FBXW2: variants seen among roughly 807,000 people sequenced by gnomAD.
FBXW2 encodes F-box and WD repeat domain containing 2.
A neutral mutation model predicts 46.0 loss-of-function variants in FBXW2; 12 were observed. The ratio of observed to expected loss-of-function variants is 0.26; its 90% CI spans 0.17 to 0.42. The LOEUF (loss-of-function observed/expected upper bound fraction) is 0.42. Among genes scored for constraint, FBXW2 ranks in the 10% least tolerant of loss-of-function variants. FBXW2 has a pLI of 1.00. For synonymous variants in FBXW2, 203 were observed against 209.6 expected (o/e 0.97, Z 0.27); for missense variants, 360 against 537.0 (o/e 0.67, Z 3.26).
intron 5 of FBXW2, among the ~76,000 whole-genome samples, chr9:120,774,377 T>C (rs1337418258): frequency 1.4e-5 from 2 of 146,232 alleles, no homozygotes; most frequent in Non-Finnish European, 3.0e-5. Context: ...CTCAGTGTGG[T>C]GGCACGTGGC....
chr9:120,778,189 G>T (rs552150331), intron 4 of FBXW2, among the ~76,000 whole-genome samples, 162 bp downstream of exon 4: 1 of 150,830 alleles, frequency 6.6e-6, no homozygotes, highest in Non-Finnish European at 1.5e-5. Flanking sequence ...TAAAACATTC[G>T]AAATAAGAGT....
At chr9:120,782,311 CA>C (rs1303014657) in intron 3 of FBXW2, among the ~76,000 whole-genome samples, 1 of 151,744 alleles carries the variant, frequency 6.6e-6, no homozygotes, top group East Asian at 1.9e-4. Flanking sequence ...ACTAAAAATA[CA>C]AAAATTAGCC....
rs763046666 is a variant in FBXW2, at chr9:120,764,562, G to GC, written c.1361dup (p.Ter455LeufsTer4). On this transcript the variant is annotated frameshift_variant, in exon 8 of 8. Coordinates refer to ENST00000608872, the MANE Select transcript of FBXW2 (RefSeq NM_012164.4). LOFTEE classifies it high-confidence loss of function. ...TCAGCGGTGGTGGCTCATGGTGTCA[G>GC]CCGTGCTCCTTCCACAACACCAGGT... 14 of 1,611,186 alleles carry GC rather than the reference G, an allele frequency of 8.7e-6. No individual in the cohort carries two copies.
At position 120,771,455 on chromosome 9, in the gene FBXW2, A is replaced by G. The variant is rs768607490; in HGVS notation, c.969T>C (p.Asp323=). 1 of 1,614,206 alleles carries G rather than the reference A, an allele frequency of 6.2e-7. No individual in the cohort carries two copies. Among genetic ancestry groups the G allele is most frequent in the South Asian group, 1.1e-5 (1 of 91,088 alleles). Reference sequence around the variant, plus strand: ...GTCTTGGCTGCAGGCAGATACTTCTATCCTCAGAGACAGACAATGTCTTTA... The same window carrying G: ...GTCTTGGCTGCAGGCAGATACTTCTGTCCTCAGAGACAGACAATGTCTTTA... The part of the protein sequence containing the change: ...KCLKTLSVSE[D]RSICLQPRLH... The change falls in exon 7 of 8, where the codon GAT becomes GAC. Residue 323 remains aspartate, a synonymous_variant. Transcript: ENST00000608872.
At position 120,774,280 on chromosome 9, in the gene FBXW2, T is replaced by C. The variant is rs139851900; in HGVS notation, c.820-1440A>G. On this transcript the variant is annotated intron_variant, in intron 5 of 7. Coordinates refer to ENST00000608872, the MANE Select transcript of FBXW2 (RefSeq NM_012164.4). Reference sequence around the variant, plus strand: ...TGAACCCGGCAGATGGATGCTGCAGTGAGCCGAGATCGTGCCACTGCACTC... The same window carrying C: ...TGAACCCGGCAGATGGATGCTGCAGCGAGCCGAGATCGTGCCACTGCACTC... 6.7e-3 allele frequency among the ~76,000 whole-genome samples: 936 copies of C among 139,866 alleles called. 15 individuals are homozygous for C. Among genetic ancestry groups the C allele is most frequent in the African/African-American group, 0.024 (880 of 36,768 alleles). The allele number at this position is 139,866 out of a possible 152,430, so 91.8% of individuals were successfully genotyped here.
intron 4 of FBXW2, among the ~76,000 whole-genome samples, chr9:120,777,163 G>T (rs1034528618): frequency 2.0e-5 from 3 of 152,182 alleles, no homozygotes; most frequent in African/African-American, 7.2e-5. Flanking sequence ...TCTCAAAGTT[G>T]ATCAGGAATA....
In FBXW2 at chr9:120,779,935, T is replaced by C. The variant is rs1316672080; in HGVS notation, c.491-1390A>G. Among the ~76,000 whole-genome samples, 3 of 152,136 alleles carry C rather than the reference T, an allele frequency of 2.0e-5. No individual in the cohort carries two copies. The East Asian group carries it at 5.8e-4, about 29-fold the overall frequency. Reference sequence around the variant, plus strand: ...AGGAGGCCAAGGCAGGCATATTGCCTGAGCTCAGGAGTTCAAGACCATCGC... The same window carrying C: ...AGGAGGCCAAGGCAGGCATATTGCCCGAGCTCAGGAGTTCAAGACCATCGC... On this transcript the variant is annotated intron_variant, in intron 3 of 7. Coordinates refer to ENST00000608872, the MANE Select transcript of FBXW2 (RefSeq NM_012164.4).
intron 3 of FBXW2, among the ~76,000 whole-genome samples, chr9:120,787,536 T>C (rs561240133): frequency 2.6e-5 from 4 of 152,216 alleles, no homozygotes; most frequent in Admixed American, 1.3e-4. Flanking sequence ...ATTCACATAA[T>C]GTTTAAAAGA....
chr9:120,765,966 T>C (rs939379951), intron 7 of FBXW2, among the ~76,000 whole-genome samples: 1 of 152,168 alleles, frequency 6.6e-6, no homozygotes, highest in Non-Finnish European at 1.5e-5. Context: ...TTCTGTTGTC[T>C]GCGCCCTTAG....
Position 120,759,739 on chromosome 9 carries a change from G to T in FBXW2, c.*4820C>A, listed in dbSNP as rs2044169279. 1.3e-5 allele frequency: 2 copies of T among 152,332 alleles called. No individual in the cohort carries two copies. The highest frequency in any genetic ancestry group is 4.1e-4 in the South Asian group (2 of 4,830). The allele number at this position is 152,332 out of a possible 1,614,324, so 9.4% of individuals were successfully genotyped here. On this transcript the variant is annotated 3_prime_UTR_variant, in exon 8 of 8. Coordinates refer to ENST00000608872, the MANE Select transcript of FBXW2 (RefSeq NM_012164.4). Reference sequence around the variant, plus strand: ...TACTTGGGCACATTTATGAAGAGTAGAAGTAGCTGAATTCTTTAGGCTGCA... The same window carrying T: ...TACTTGGGCACATTTATGAAGAGTATAAGTAGCTGAATTCTTTAGGCTGCA...
intron 3 of FBXW2, among the ~76,000 whole-genome samples, chr9:120,786,016 C>CT (rs1413439960): frequency 1.3e-5 from 1 of 77,300 alleles, no homozygotes; most frequent in Non-Finnish European, 2.2e-5. Context: ...GAGACTCCAT[C>CT]TCAAAAAAAA....
chr9:120,772,670 T>C, intron 6 of FBXW2, 84 bp downstream of exon 6: 1 of 863,056 alleles, frequency 1.2e-6, no homozygotes, highest in East Asian at 2.9e-5. Flanking sequence ...TCCTAGAATG[T>C]TCACCCTTTG....
chr9:120,778,069 G>T (rs139478454), intron 4 of FBXW2, among the ~76,000 whole-genome samples: 19 of 151,900 alleles, frequency 1.3e-4, no homozygotes, highest in African/African-American at 3.9e-4. Context: ...GAAACAGGAG[G>T]GGGGAGAGAG....
At chr9:120,792,139 C>T (rs1456798775) in intron 2 of FBXW2, among the ~76,000 whole-genome samples, 2 of 151,996 alleles carry the variant, frequency 1.3e-5, no homozygotes, top group Non-Finnish European at 2.9e-5. Flanking sequence ...AGTGGCCTTC[C>T]CAGAATGGCA....
chr9:120,781,086 T>G (rs2044602221), intron 3 of FBXW2, among the ~76,000 whole-genome samples: 1 of 150,162 alleles, frequency 6.7e-6, no homozygotes, highest in South Asian at 2.1e-4. Flanking sequence ...TAAGGATGAA[T>G]AAGTTAGCCA....
chr9:120,787,860 C>T lies in FBXW2; in HGVS notation c.399G>A (p.Leu133=). The change falls in exon 3 of 8, where the codon CTG becomes CTA. Residue 133 remains leucine (L), a synonymous_variant. Coordinates refer to ENST00000608872, the MANE Select transcript of FBXW2 (RefSeq NM_012164.4). ...YLKAILRMKQ[L]EDHEAFETSS... ...AGGTTTCAAAGGCTTCATGGTCCTCCAGTTGCTTCATTCTCAAAATAGCCT... is the reference window on the plus strand; with the variant it reads ...AGGTTTCAAAGGCTTCATGGTCCTCTAGTTGCTTCATTCTCAAAATAGCCT... 6 of 1,614,216 alleles carry T rather than the reference C, an allele frequency of 3.7e-6. No homozygotes were observed. The highest frequency in any genetic ancestry group is 5.1e-6 in the Non-Finnish European group (6 of 1,180,040).
chr9:120,793,282 G>A, intron 1 of FBXW2, 25 bp from the exon 2 acceptor site: 2 of 458,716 alleles, frequency 4.4e-6, no homozygotes, highest in Non-Finnish European at 3.8e-6. Context: ...AAACAGCCAA[G>A]GCGCGGCGGG....
At chr9:120,770,302 G>A (rs1340893333) in intron 7 of FBXW2, among the ~76,000 whole-genome samples, 4 of 151,900 alleles carry the variant, frequency 2.6e-5, no homozygotes, top group Non-Finnish European at 5.9e-5. Flanking sequence ...TGTGAACCCT[G>A]GAGGCGGAGC....
At chr9:120,781,854 C>A (rs2044621409) in intron 3 of FBXW2, among the ~76,000 whole-genome samples, 1 of 151,778 alleles carries the variant, frequency 6.6e-6, no homozygotes, top group African/African-American at 2.4e-5. Context: ...GAAATCCCAT[C>A]TCTAATAAAA....
Sources: gnomAD v4.1 joint callset for allele counts (sites outside exome capture counted in the v4.1 genomes callset) on GRCh38, gnomAD v4.1.1 for gene constraint, MANE v1.5 for transcripts, NCBI Gene and HGNC (gene_info 2026-07-23, HGNC 2026-07-21) for gene names.